Variants in UVRAG observed in about 807,000 individuals in gnomAD.
UVRAG encodes the protein UV radiation resistance-associated gene protein.
UVRAG carries 19 observed loss-of-function variants against 78.0 expected under a neutral mutation model. The ratio of observed to expected loss-of-function variants is 0.24; its 90% CI spans 0.17 to 0.36. The LOEUF is 0.36. Ranked by LOEUF, UVRAG falls within the 10% of genes least tolerant of loss-of-function variation. The pLI is 1.00. For synonymous variants in UVRAG, 323 were observed against 324.6 expected, an observed-to-expected ratio of 1.00 and a Z score of 0.05; for missense variants, 740 against 853.8, an observed-to-expected ratio of 0.87 and a Z score of 1.66.
chr11:76,031,644 C>G (rs933781335), intron 12 of UVRAG, among the ~76,000 whole-genome samples: 3 of 152,118 alleles, frequency 2.0e-5, no homozygotes, highest in African/African-American at 7.2e-5. Context: ...ACATGTGACC[C>G]CAACCTGAAC....
intron 5 of UVRAG, among the ~76,000 whole-genome samples, chr11:75,901,460 C>G (rs574273442): frequency 3.3e-4 from 50 of 152,242 alleles, no homozygotes; most frequent in Admixed American, 1.2e-3. Context: ...TCAAATTTGC[C>G]TGGATGTTTC....
intron 6 of UVRAG, among the ~76,000 whole-genome samples, chr11:75,920,040 TTTTG>T: frequency 7.7e-6 from 1 of 130,456 alleles, no homozygotes; most frequent in Non-Finnish European, 1.5e-5. Flanking sequence ...TTTTTTTTTT[TTTTG>T]GGACGAAGTC....
intron 6 of UVRAG, among the ~76,000 whole-genome samples, chr11:75,947,086 C>A (rs1481316635): frequency 1.3e-5 from 2 of 152,060 alleles, no homozygotes; most frequent in African/African-American, 4.8e-5. Context: ...TCTTTTGAGG[C>A]CACCCTATGA....
chr11:76,068,741 A>G (rs867192087), intron 13 of UVRAG, among the ~76,000 whole-genome samples: 8 of 152,324 alleles, frequency 5.3e-5, no homozygotes, highest in Admixed American at 1.3e-4. Context: ...TTGATTTGTA[A>G]CAAATGAAAG....
chr11:76,001,293 A>G (rs1949809597), intron 8 of UVRAG, among the ~76,000 whole-genome samples: 1 of 152,222 alleles, frequency 6.6e-6, no homozygotes, highest in South Asian at 2.1e-4. Flanking sequence ...AATGAATGAA[A>G]ATGAAAATAC....
chr11:75,956,665 C>G (rs775611531), intron 6 of UVRAG, among the ~76,000 whole-genome samples: 12 of 152,112 alleles, frequency 7.9e-5, no homozygotes, highest in African/African-American at 2.7e-4. Context: ...ATTGCAAGAA[C>G]TGTAGTTACT....
chr11:75,963,971 A>G (rs1458819001), intron 7 of UVRAG, among the ~76,000 whole-genome samples: 1 of 151,920 alleles, frequency 6.6e-6, no homozygotes, highest in South Asian at 2.1e-4. Context: ...TGTGTTTCAG[A>G]TTTTGTCAGA....
intron 8 of UVRAG, among the ~76,000 whole-genome samples, chr11:76,003,598 A>G (rs1269626452): frequency 1.3e-5 from 2 of 152,126 alleles, no homozygotes; most frequent in African/African-American, 2.4e-5. Flanking sequence ...AGTAGTCAAA[A>G]TACAGGTACT....
chr11:75,885,822 A>G (rs1947062992), intron 4 of UVRAG, among the ~76,000 whole-genome samples: 1 of 152,184 alleles, frequency 6.6e-6, no homozygotes, highest in Admixed American at 6.5e-5. Flanking sequence ...TTTATTAGTC[A>G]GGAACAAAGG....
At chr11:75,929,502 T>A (rs1004106647) in intron 6 of UVRAG, among the ~76,000 whole-genome samples, 23 of 152,246 alleles carry the variant, frequency 1.5e-4, no homozygotes, top group Middle Eastern at 3.4e-3. Flanking sequence ...AATAGGGGGA[T>A]TTAGGCCCAA....
At chr11:75,916,037 C>CTT in intron 6 of UVRAG, 1 of 152,216 alleles carries the variant, frequency 6.6e-6, no homozygotes, top group Non-Finnish European at 1.5e-5. Context: ...TTCTTTTATA[C>CTT]TTTTTCAAAG....
chr11:75,938,177 T>A (rs144550950), intron 6 of UVRAG, among the ~76,000 whole-genome samples: 2,341 of 152,256 alleles, frequency 0.015, 74 homozygotes, highest in African/African-American at 0.053. Flanking sequence ...AAACAGACAT[T>A]GTGATTTTCA....
Position 75,961,441 on chromosome 11 carries a change from T to C in UVRAG, c.594-3T>C, listed in dbSNP as rs1469712987. On this transcript the variant is annotated splice_polypyrimidine_tract_variant and splice_region_variant and intron_variant, in intron 6 of 14. Transcript: ENST00000356136. Reference sequence around the variant, plus strand: ...TACATTTTTCTATAACTTATATTTCTAGGCTTCATAGAGCCCAGTGTGCAA... The same window carrying C: ...TACATTTTTCTATAACTTATATTTCCAGGCTTCATAGAGCCCAGTGTGCAA... 1.3e-6 allele frequency: 2 copies of C among 1,584,242 alleles called. No homozygotes were observed. The highest frequency in any genetic ancestry group is 1.7e-6 in the Non-Finnish European group (2 of 1,172,532).
intron 6 of UVRAG, among the ~76,000 whole-genome samples, chr11:75,922,664 T>C (rs949036639): frequency 1.7e-4 from 26 of 152,242 alleles, no homozygotes; most frequent in African/African-American, 5.8e-4. Flanking sequence ...TTGAAAACTA[T>C]TGGCCGGGCG....
chr11:75,877,973 C>A (rs1946841432), intron 3 of UVRAG, among the ~76,000 whole-genome samples: 1 of 151,142 alleles, frequency 6.6e-6, no homozygotes, highest in African/African-American at 2.4e-5. Context: ...ACCCCCACCT[C>A]CCTCCCAGAC....
intron 14 of UVRAG, among the ~76,000 whole-genome samples, chr11:76,126,143 A>T (rs146067380): frequency 6.6e-6 from 1 of 151,906 alleles, no homozygotes; most frequent in Non-Finnish European, 1.5e-5. Context: ...GGGTTTCACC[A>T]TGTTAGCCAG....
In UVRAG at chr11:75,920,008, G is replaced by GTTTTTTTTTTTTTT. The variant is rs140217190; in HGVS notation, c.593+7991_593+8004dup. Reference sequence around the variant, plus strand: ...CAAAATTTAAAATAAAATAATTTTGGTTTTTTTTTTTTTTTTTTTTTTTTT... The same window carrying GTTTTTTTTTTTTTT: ...CAAAATTTAAAATAAAATAATTTTGGTTTTTTTTTTTTTTTTTTTTTTTTTTTTTTTTTTTTTTT... On this transcript the variant is annotated intron_variant, in intron 6 of 14. Coordinates refer to ENST00000356136, the MANE Select transcript of UVRAG (RefSeq NM_003369.4). 2.7e-4 allele frequency among the ~76,000 whole-genome samples: 15 copies of GTTTTTTTTTTTTTT among 55,490 alleles called. 1 individual carries two copies. Among genetic ancestry groups the GTTTTTTTTTTTTTT allele is most frequent in the African/African-American group, 6.4e-4 (11 of 17,214 alleles). The allele number at this position is 55,490 out of a possible 152,430, so 36.4% of individuals were successfully genotyped here.
At chr11:75,828,723 G>A (rs1170777885) in intron 1 of UVRAG, among the ~76,000 whole-genome samples, 8 of 116,724 alleles carry the variant, frequency 6.9e-5, no homozygotes, top group African/African-American at 1.2e-4. Flanking sequence ...GTATATATAT[G>A]TGTGTGTGTA....
chr11:75,886,798 CCCT>C (rs757964787), intron 4 of UVRAG, among the ~76,000 whole-genome samples: 5 of 152,216 alleles, frequency 3.3e-5, no homozygotes, highest in Admixed American at 6.5e-5. Flanking sequence ...TTCTGGTAGT[CCCT>C]CTTGTCTTTC....
Sources: allele counts gnomAD v4.1 joint callset (sites outside exome capture counted in the v4.1 genomes callset), GRCh38; gene constraint gnomAD v4.1.1; transcripts MANE v1.5; gene names NCBI Gene and HGNC (gene_info 2026-07-23, HGNC 2026-07-21).